Variants in FARP2 observed in about 807,000 individuals in gnomAD.
FARP2 encodes the protein FERM, ARH/RhoGEF and pleckstrin domain protein 2.
FARP2 carries 111 observed loss-of-function variants against 130.5 expected under a neutral mutation model. That is an observed-to-expected ratio of 0.85 (90% confidence interval 0.73 to 1.00). The LOEUF (loss-of-function observed/expected upper bound fraction) is 1.00. Among genes scored for constraint, FARP2 ranks in the 50% least tolerant of loss-of-function variants. FARP2 has a pLI of 0.00. For missense variants in FARP2, 1,385 were observed against 1,346.3 expected, an observed-to-expected ratio of 1.03 and a Z score of -0.45; for synonymous variants, 504 against 516.9, an observed-to-expected ratio of 0.98 and a Z score of 0.34.
intron 1 of FARP2, among the ~76,000 whole-genome samples, chr2:241,363,310 TA>T (rs1030754296): frequency 6.6e-6 from 1 of 152,234 alleles, no homozygotes; most frequent in Non-Finnish European, 1.5e-5. Context: ...TGTGAACACC[TA>T]AAACTCTTAG....
chr2:241,366,104 A>AAAATATAT (rs61355096), intron 1 of FARP2, among the ~76,000 whole-genome samples: 4 of 57,010 alleles, frequency 7.0e-5, no homozygotes, highest in East Asian at 3.7e-4. Flanking sequence ...AAAAAAAAAA[A>AAAATATAT]ATATATATAT....
At chr2:241,492,679 G>C in intron 24 of FARP2, 2 of 443,836 alleles carry the variant, frequency 4.5e-6, no homozygotes, top group South Asian at 7.0e-5. Context: ...GTTGGTTACT[G>C]AACACTGACT....
intron 20 of FARP2, 132 bp downstream of exon 20, chr2:241,483,665 G>A (rs180888359): frequency 1.6e-6 from 2 of 1,246,972 alleles, no homozygotes; most frequent in East Asian, 2.5e-5. Flanking sequence ...TGGTCCAGGT[G>A]GGTAGCGTTG....
intron 15 of FARP2, 92 bp from the exon 16 acceptor site, chr2:241,463,243 C>T: frequency 7.1e-7 from 1 of 1,414,964 alleles, no homozygotes. Flanking sequence ...AGGGTCATCA[C>T]TGGGTGACCT....
intron 1 of FARP2, among the ~76,000 whole-genome samples, chr2:241,364,600 T>C (rs1443298188): frequency 6.6e-6 from 1 of 152,172 alleles, no homozygotes; most frequent in Non-Finnish European, 1.5e-5. Context: ...GTAAAGCTAC[T>C]CTTGAAACAG....
At chr2:241,393,234 G>A (rs930569700) in intron 2 of FARP2, among the ~76,000 whole-genome samples, 1 of 151,972 alleles carries the variant, frequency 6.6e-6, no homozygotes, top group African/African-American at 2.4e-5. Context: ...TGGTAAGGCT[G>A]GTCTCAAACT....
At chr2:241,379,227 G>A (rs532785092) in intron 2 of FARP2, among the ~76,000 whole-genome samples, 14 of 152,280 alleles carry the variant, frequency 9.2e-5, no homozygotes, top group African/African-American at 3.4e-4. Context: ...TTAACTCTTA[G>A]GTTTAGGAGT....
At chr2:241,371,563 G>A (rs913056393) in intron 1 of FARP2, among the ~76,000 whole-genome samples, 28 of 152,150 alleles carry the variant, frequency 1.8e-4, no homozygotes, top group Non-Finnish European at 1.0e-4. Context: ...CAGGAGACTC[G>A]GAGCAATTAA....
At chr2:241,384,086 G>A (rs1406195712) in intron 2 of FARP2, among the ~76,000 whole-genome samples, 2 of 150,182 alleles carry the variant, frequency 1.3e-5, no homozygotes, top group Non-Finnish European at 3.0e-5. Context: ...TCTGACACTT[G>A]GCATTCACCA....
intron 19 of FARP2, among the ~76,000 whole-genome samples, chr2:241,477,406 G>A (rs994002386): frequency 3.9e-5 from 6 of 152,140 alleles, no homozygotes; most frequent in East Asian, 3.8e-4. Context: ...GGGATTACAC[G>A]CATGAGCCAC....
chr2:241,435,899 G>A (rs2063215536), intron 11 of FARP2, among the ~76,000 whole-genome samples: 1 of 143,772 alleles, frequency 7.0e-6, no homozygotes, highest in Admixed American at 7.1e-5. Context: ...TTTTTACATA[G>A]TATAGTAAAT....
chr2:241,488,624 T>C (rs1292014449), intron 21 of FARP2: 1 of 152,064 alleles, frequency 6.6e-6, no homozygotes, highest in African/African-American at 2.4e-5. Flanking sequence ...ATGGTCTCGA[T>C]CTCCTGACCT....
chr2:241,433,832 C>A (rs1351287025), intron 9 of FARP2, among the ~76,000 whole-genome samples: 1 of 152,128 alleles, frequency 6.6e-6, no homozygotes, highest in Non-Finnish European at 1.5e-5. Context: ...TCAAGACCAG[C>A]CTGGCCAACA....
chr2:241,397,659 A>ATAT (rs776794436), intron 2 of FARP2, among the ~76,000 whole-genome samples: 1 of 151,798 alleles, frequency 6.6e-6, no homozygotes, highest in Non-Finnish European at 1.5e-5. Flanking sequence ...GCTAGGAATT[A>ATAT]TTTTCAAGCA....
At chr2:241,385,092 C>T (rs907178149) in intron 2 of FARP2, among the ~76,000 whole-genome samples, 1 of 152,146 alleles carries the variant, frequency 6.6e-6, no homozygotes, top group African/African-American at 2.4e-5. Flanking sequence ...TCTTGCGAGT[C>T]TTTCATCAGC....
At position 241,403,833 on chromosome 2, in the gene FARP2, A is replaced by G. The variant is rs750790833; in HGVS notation, c.189A>G (p.Lys63=). ...NTMEIFDIEP[K]CDGQVLLTQV... is the part of the protein sequence containing the mutation. ...TCCCATCTCTCTCTGCACAGCCTAA[A>G]TGCGATGGCCAGGTATTACTGACAC... The change falls in exon 3 of 27, where the codon AAA becomes AAG. Residue 63 remains lysine (K), a synonymous_variant. Transcript: ENST00000264042. 8 of 1,609,448 alleles carry G rather than the reference A, an allele frequency of 5.0e-6. No individual in the cohort carries two copies. Among genetic ancestry groups the G allele is most frequent in the Non-Finnish European group, 6.8e-6 (8 of 1,175,922 alleles).
At chr2:241,362,021 A>G (rs2061199078) in intron 1 of FARP2, among the ~76,000 whole-genome samples, 1 of 151,812 alleles carries the variant, frequency 6.6e-6, no homozygotes, top group Non-Finnish European at 1.5e-5. Flanking sequence ...CAGTCTCCCA[A>G]GTAGCTGGGA....
intron 23 of FARP2, 121 bp downstream of exon 23, chr2:241,491,300 G>C (rs1014321858): frequency 2.3e-5 from 20 of 881,250 alleles, no homozygotes; most frequent in Non-Finnish European, 3.7e-5. Flanking sequence ...CTTCCACAAG[G>C]AATGTTCCAG....
At chr2:241,405,920 T>G (rs992767696) in intron 4 of FARP2, among the ~76,000 whole-genome samples, 2 of 147,942 alleles carry the variant, frequency 1.4e-5, no homozygotes, top group African/African-American at 5.0e-5. Context: ...GGCAACAGAT[T>G]GAGACTGCAT....
Sources: allele counts gnomAD v4.1 joint callset (sites outside exome capture counted in the v4.1 genomes callset), GRCh38; gene constraint gnomAD v4.1.1; transcripts MANE v1.5; gene names NCBI Gene and HGNC (gene_info 2026-07-23, HGNC 2026-07-21).